The following CEP120 variants were observed in gnomAD, a reference collection of about 807,000 sequenced individuals.
The protein encoded by CEP120 is centrosomal protein 120.
In CEP120, 113 loss-of-function variants were observed where a neutral mutation model predicts 126.5. That is an observed-to-expected ratio of 0.89 (90% CI 0.77 to 1.04). CEP120 has a LOEUF of 1.04. CEP120 is among the 50% of genes least tolerant of loss of function. CEP120 has a pLI of 0.00. For missense variants in CEP120, 1,230 were observed against 1,155.7 expected (o/e 1.06, Z -0.93); for synonymous variants, 400 against 394.3 (o/e 1.01, Z -0.17).
At chr5:123,365,257 A>ATG (rs1457331923) in intron 17 of CEP120, among the ~76,000 whole-genome samples, 5 of 151,692 alleles carry the variant, frequency 3.3e-5, no homozygotes, top group Non-Finnish European at 7.4e-5. Flanking sequence ...TGATTCAATT[A>ATG]AAAAATATGA....
chr5:123,412,331 C>A, intron 4 of CEP120, 68 bp downstream of exon 4: 2 of 1,495,680 alleles, frequency 1.3e-6, no homozygotes, highest in Admixed American at 4.3e-5. Context: ...TATAACACTC[C>A]CGCTTCCTAA....
At chr5:123,370,026 A>T (rs1770737717) in intron 17 of CEP120, among the ~76,000 whole-genome samples, 1 of 152,032 alleles carries the variant, frequency 6.6e-6, no homozygotes, top group African/African-American at 2.4e-5. Flanking sequence ...AAATGAATAT[A>T]TGAAAATTCT....
chr5:123,402,234 C>T, intron 4 of CEP120: 1 of 1,518,028 alleles, frequency 6.6e-7, no homozygotes, highest in Admixed American at 1.7e-5. Flanking sequence ...TTGGGAGAAG[C>T]TTGAGGAGCT....
chr5:123,412,891 T>C (rs920579988), intron 3 of CEP120, among the ~76,000 whole-genome samples: 28 of 152,342 alleles, frequency 1.8e-4, no homozygotes, highest in African/African-American at 5.8e-4. Flanking sequence ...AGTTTTCTAA[T>C]TCCCTAACCT....
Position 123,386,647 on chromosome 5 carries a change from C to T in CEP120, c.1451G>A (p.Gly484Glu). Residue 484 changes from glycine to glutamate, a missense_variant, in exon 10 of 20, where the codon GGA (glycine) becomes GAA (glutamate). Transcript: ENST00000306467. ...CILRYSYPFFGSAAPIMTNPP... is the reference protein window; with the variant it reads ...CILRYSYPFFESAAPIMTNPP... ...ATTAGTCATAATAGGAGCTGCACTT[C>T]CAAAGAATGGATATGAGTACCTAGA... 1.8e-6 allele frequency: 2 copies of T among 1,098,242 alleles called. No homozygotes were observed. The highest frequency in any genetic ancestry group is 2.5e-6 in the Non-Finnish European group (2 of 787,212). The allele number at this position is 1,098,242 out of a possible 1,614,324, so 68.0% of individuals were successfully genotyped here.
intron 5 of CEP120, among the ~76,000 whole-genome samples, chr5:123,398,288 G>C (rs1362702814): frequency 1.3e-5 from 2 of 152,110 alleles, no homozygotes; most frequent in African/African-American, 4.8e-5. Flanking sequence ...ATAACAGCTA[G>C]TTTTGTGTTG....
chr5:123,365,452 C>T lies in CEP120; in HGVS notation c.2482-858G>A, dbSNP rs532000355. Among the ~76,000 whole-genome samples, 39 of 151,618 alleles carry T rather than the reference C, an allele frequency of 2.6e-4. 1 individual carries two copies. Among genetic ancestry groups the T allele is most frequent in the African/African-American group, 8.0e-4 (33 of 41,448 alleles). ...ACAGTAATACACTGTTACTCTGAACCGGTCTAATTTTTATATCAAGTCTAG... is the reference window on the plus strand; with the variant it reads ...ACAGTAATACACTGTTACTCTGAACTGGTCTAATTTTTATATCAAGTCTAG... On this transcript the variant is annotated intron_variant, in intron 17 of 19. Transcript: ENST00000306467.
At chr5:123,394,427 A>G (rs1341865018) in intron 5 of CEP120, among the ~76,000 whole-genome samples, 2 of 152,180 alleles carry the variant, frequency 1.3e-5, no homozygotes, top group Non-Finnish European at 2.9e-5. Context: ...GTAGTTGACA[A>G]TAAGGTTCGT....
intron 18 of CEP120, 42 bp from the exon 19 acceptor site, chr5:123,350,131 GA>G: frequency 6.6e-7 from 1 of 1,518,388 alleles, no homozygotes; most frequent in Non-Finnish European, 9.0e-7. Flanking sequence ...TTAATATTAG[GA>G]ACAAATATTT....
At chr5:123,418,965 C>A (rs1774548685) in intron 1 of CEP120, among the ~76,000 whole-genome samples, 1 of 152,188 alleles carries the variant, frequency 6.6e-6, no homozygotes, top group Admixed American at 6.5e-5. Context: ...TGCAGGCTCA[C>A]ATATACACTC....
chr5:123,349,959 C>A lies in CEP120; in HGVS notation c.2711G>T (p.Arg904Ile), dbSNP rs763451025. The change falls in exon 19 of 20, where the codon AGA (arginine) becomes ATA (isoleucine). Residue 904 changes from arginine to isoleucine, a missense_variant. Physicochemically the swap from Arg to Ile is moderately conservative, Grantham distance 97. Transcript: ENST00000306467. Reference sequence around the variant, plus strand: ...GTTATTATACCTGTTCAATTCATTTCTTATATCCAACAATTCTTGTCGCTC... The same window carrying A: ...GTTATTATACCTGTTCAATTCATTTATTATATCCAACAATTCTTGTCGCTC... ...KTERQELLDI[R>I]NELNRLRQQE... 5.1e-5 allele frequency: 83 copies of A among 1,613,374 alleles called. No homozygotes were observed. The highest frequency in any genetic ancestry group is 6.8e-5 in the Non-Finnish European group (80 of 1,179,776).
intron 14 of CEP120, among the ~76,000 whole-genome samples, chr5:123,379,106 T>C (rs986008122): frequency 4.6e-5 from 7 of 151,278 alleles, no homozygotes; most frequent in South Asian, 2.1e-4. Flanking sequence ...CGGGTAAGGA[T>C]GAGGAAGGAT....
chr5:123,414,186 C>A (rs1382839387), intron 3 of CEP120, among the ~76,000 whole-genome samples: 1 of 152,164 alleles, frequency 6.6e-6, no homozygotes, highest in East Asian at 1.9e-4. Flanking sequence ...TTCTCTGCAA[C>A]TAAACTGACT....
chr5:123,365,385 C>G (rs912575198), intron 17 of CEP120, among the ~76,000 whole-genome samples: 3 of 151,680 alleles, frequency 2.0e-5, no homozygotes, highest in South Asian at 2.1e-4. Flanking sequence ...AGCCAACAGA[C>G]AGTTTTACTA....
chr5:123,416,252 C>G, intron 2 of CEP120, 128 bp from the exon 3 acceptor site: 2 of 615,712 alleles, frequency 3.2e-6, no homozygotes, highest in South Asian at 2.0e-5. Context: ...TTTACATTGT[C>G]TAAAAAACTC....
chr5:123,412,524 T>C lies in CEP120; in HGVS notation c.338A>G (p.Gln113Arg). 2 of 1,600,494 alleles carry C rather than the reference T, an allele frequency of 1.2e-6. No individual in the cohort carries two copies. The highest frequency in any genetic ancestry group is 1.7e-6 in the Non-Finnish European group (2 of 1,175,104). ...TTTGGTGTATTTATTACTCAGCAAC[T>C]GGTACCATTTTGGTGCCTAGAGAAT... The part of the protein sequence containing the change: ...QETKQAPKWY[Q>R]LLSNKYTKFK... The change falls in exon 4 of 20, where the codon CAG becomes CGG. Residue 113 changes from glutamine to arginine, a missense_variant. By Grantham distance (43) the Gln-to-Arg change is conservative. Transcript: ENST00000306467.
intron 5 of CEP120, among the ~76,000 whole-genome samples, chr5:123,395,323 A>G (rs1172127028): frequency 6.6e-6 from 1 of 152,178 alleles, no homozygotes; most frequent in African/African-American, 2.4e-5. Flanking sequence ...CCTCCATTCT[A>G]TTAAAACTTT....
At chr5:123,384,861 GT>G in intron 11 of CEP120, 89 bp downstream of exon 11, 1 of 1,113,498 alleles carries the variant, frequency 9.0e-7, no homozygotes, top group Non-Finnish European at 1.3e-6. Flanking sequence ...GAAAAAAGAG[GT>G]TATGGAAGGG....
chr5:123,374,496 G>A (rs534978144), intron 16 of CEP120, among the ~76,000 whole-genome samples: 34 of 151,854 alleles, frequency 2.2e-4, no homozygotes, highest in African/African-American at 7.0e-4. Flanking sequence ...TTTTAAATGC[G>A]AACAAAGATT....
Sources: gnomAD v4.1 joint callset for allele counts (sites outside exome capture counted in the v4.1 genomes callset) on GRCh38, gnomAD v4.1.1 for gene constraint, MANE v1.5 for transcripts, NCBI Gene and HGNC (gene_info 2026-07-23, HGNC 2026-07-21) for gene names.